Variants in CAMTA1 observed in about 807,000 individuals in gnomAD.
CAMTA1 encodes calmodulin-binding transcription activator 1.
A neutral mutation model predicts 170.9 loss-of-function variants in CAMTA1; 27 were observed. The observed-to-expected ratio is 0.16, with a 90% CI of 0.12 to 0.22. The LOEUF (loss-of-function observed/expected upper bound fraction) is 0.22. Ranked by LOEUF, CAMTA1 falls within the 10% of genes least tolerant of loss-of-function variation. The pLI, the probability that CAMTA1 is intolerant of heterozygous loss-of-function variation, is 1.00. For missense variants in CAMTA1, 1,619 were observed against 2,217.2 expected, an observed-to-expected ratio of 0.73 and a Z score of 5.42; for synonymous variants, 833 against 891.5, an observed-to-expected ratio of 0.93 and a Z score of 1.17.
At chr1:7,192,355 AC>A (rs2148954471) in intron 4 of CAMTA1, among the ~76,000 whole-genome samples, 1 of 152,306 alleles carries the variant, frequency 6.6e-6, no homozygotes, top group South Asian at 2.1e-4. Flanking sequence ...TTGGGATAGC[AC>A]CACTTGATTC....
intron 5 of CAMTA1, among the ~76,000 whole-genome samples, chr1:7,328,138 C>T (rs1360059648): frequency 6.6e-6 from 1 of 152,048 alleles, no homozygotes; most frequent in African/African-American, 2.4e-5. Flanking sequence ...TTTTGCTTTT[C>T]CTGACTGGGA....
At chr1:6,922,972 T>C (rs1402539705) in intron 3 of CAMTA1, among the ~76,000 whole-genome samples, 1 of 152,140 alleles carries the variant, frequency 6.6e-6, no homozygotes, top group Non-Finnish European at 1.5e-5. Context: ...CTTGCACTTG[T>C]ATGAAGTGAT....
chr1:6,875,633 G>A (rs1461058959), intron 3 of CAMTA1, among the ~76,000 whole-genome samples: 36 of 152,026 alleles, frequency 2.4e-4, no homozygotes, highest in Admixed American at 2.4e-3. Flanking sequence ...GCCCCTAGCT[G>A]GCTTCAACAA....
At chr1:7,198,175 T>G (rs1655920284) in intron 4 of CAMTA1, among the ~76,000 whole-genome samples, 1 of 151,918 alleles carries the variant, frequency 6.6e-6, no homozygotes, top group Non-Finnish European at 1.5e-5. Context: ...GCCTTTCTCT[T>G]GCATAAAAGG....
chr1:7,280,276 G>A (rs557740762), intron 5 of CAMTA1, among the ~76,000 whole-genome samples: 46 of 152,172 alleles, frequency 3.0e-4, no homozygotes, highest in Admixed American at 1.2e-3. Flanking sequence ...TCTGAATTGC[G>A]CCCACCAGGG....
intron 3 of CAMTA1, among the ~76,000 whole-genome samples, chr1:6,906,134 A>G (rs1327271827): frequency 2.0e-5 from 3 of 152,162 alleles, no homozygotes; most frequent in Non-Finnish European, 4.4e-5. Flanking sequence ...GAAGCTTTCC[A>G]GTGGGTGATG....
chr1:7,593,629 A>C (rs1379344739), intron 6 of CAMTA1, among the ~76,000 whole-genome samples: 1 of 151,410 alleles, frequency 6.6e-6, no homozygotes, highest in Non-Finnish European at 1.5e-5. Flanking sequence ...AGCTGGGACT[A>C]CGAGCATGCA....
chr1:6,795,363 T>G (rs1424299812), intron 1 of CAMTA1, among the ~76,000 whole-genome samples: 1 of 151,946 alleles, frequency 6.6e-6, no homozygotes. Context: ...AGGTTTTTTT[T>G]TTCTCTTTTT....
chr1:7,457,626 A>G (rs2092990136), intron 5 of CAMTA1, among the ~76,000 whole-genome samples: 1 of 152,164 alleles, frequency 6.6e-6, no homozygotes. Context: ...TTTGCCTTCC[A>G]GCTTGCAAAA....
At chr1:6,790,375 AGTGTGTGTGTGTGT>A (rs370868840) in intron 1 of CAMTA1, among the ~76,000 whole-genome samples, 4 of 139,058 alleles carry the variant, frequency 2.9e-5, no homozygotes, top group African/African-American at 1.1e-4. Flanking sequence ...AGAGAGAGAG[AGTGTGTGTGTGTGT>A]GTGTGTGTGT....
At chr1:7,174,288 A>G (rs1331457089) in intron 4 of CAMTA1, among the ~76,000 whole-genome samples, 1 of 152,234 alleles carries the variant, frequency 6.6e-6, no homozygotes, top group Non-Finnish European at 1.5e-5. Context: ...AGGAAAATTT[A>G]TGCTTTAAAA....
chr1:7,694,956 C>T (rs2096359127), intron 11 of CAMTA1: 1 of 152,184 alleles, frequency 6.6e-6, no homozygotes, highest in South Asian at 2.1e-4. Context: ...ACGAATGCAG[C>T]ATTCAGCCAT....
At chr1:7,401,406 TA>T (rs2089896483) in intron 5 of CAMTA1, among the ~76,000 whole-genome samples, 1 of 152,208 alleles carries the variant, frequency 6.6e-6, no homozygotes, top group Non-Finnish European at 1.5e-5. Context: ...ATTATTATGG[TA>T]AGTCTTGAAA....
chr1:7,755,171 CA>C (rs1437560872), intron 21 of CAMTA1, among the ~76,000 whole-genome samples: 1 of 151,560 alleles, frequency 6.6e-6, no homozygotes, highest in Non-Finnish European at 1.5e-5. Context: ...ACTAAAGATA[CA>C]AAAAATTAGC....
intron 3 of CAMTA1, among the ~76,000 whole-genome samples, chr1:6,969,422 C>T (rs1043874165): frequency 2.6e-5 from 4 of 152,190 alleles, no homozygotes; most frequent in South Asian, 2.1e-4. Context: ...GGGCTCCAGC[C>T]GTTGGACTGC....
At chr1:6,813,244 T>G (rs1261133544) in intron 1 of CAMTA1, among the ~76,000 whole-genome samples, 1 of 152,228 alleles carries the variant, frequency 6.6e-6, no homozygotes, top group Non-Finnish European at 1.5e-5. Context: ...GGGCTTGGGG[T>G]ACATGTTGAA....
intron 4 of CAMTA1, among the ~76,000 whole-genome samples, chr1:7,203,669 G>A (rs1349975917): frequency 6.6e-6 from 1 of 150,940 alleles, no homozygotes; most frequent in Non-Finnish European, 1.5e-5. Context: ...TTCCTTTGTA[G>A]TCATTTTCAT....
chr1:7,143,169 C>T (rs987985021), intron 4 of CAMTA1, among the ~76,000 whole-genome samples: 1 of 152,060 alleles, frequency 6.6e-6, no homozygotes, highest in Non-Finnish European at 1.5e-5. Flanking sequence ...AAGGTGGGGT[C>T]GTCAGCAGCA....
At chr1:7,152,782 C>T (rs1646652904) in intron 4 of CAMTA1, among the ~76,000 whole-genome samples, 1 of 152,172 alleles carries the variant, frequency 6.6e-6, no homozygotes, top group Admixed American at 6.5e-5. Context: ...GTGGCCATGT[C>T]GTGTTTCATT....
Sources: gnomAD v4.1 joint callset for allele counts (sites outside exome capture counted in the v4.1 genomes callset) on GRCh38, gnomAD v4.1.1 for gene constraint, MANE v1.5 for transcripts, NCBI Gene and HGNC (gene_info 2026-07-23, HGNC 2026-07-21) for gene names.